PUM3: variants seen among roughly 807,000 people sequenced by gnomAD.
PUM3 encodes the protein pumilio homolog 3.
Under a neutral mutation model 84.0 loss-of-function variants are expected in PUM3, and 91 were observed. The ratio of observed to expected loss-of-function variants is 1.08; its 90% confidence interval spans 0.91 to 1.29. PUM3 has a LOEUF of 1.29. PUM3 is among the 50% of genes most tolerant of loss of function. The probability of loss-of-function intolerance (pLI) is 0.00; values close to 1 mark genes in which losing one functional copy is unlikely to be tolerated. For missense variants in PUM3, 1,067 were observed against 767.5 expected, an observed-to-expected ratio of 1.39 and a Z score of -4.61; for synonymous variants, 321 against 266.7, an observed-to-expected ratio of 1.20 and a Z score of -1.98.
chr9:2,833,977 T>C (rs1419555013), intron 4 of PUM3, 54 bp downstream of exon 4: 1 of 1,575,176 alleles, frequency 6.3e-7, no homozygotes, highest in Admixed American at 1.8e-5. Context: ...CAAGGTACAC[T>C]GACTTCTCCA....
intron 17 of PUM3, among the ~76,000 whole-genome samples, chr9:2,805,898 C>T (rs1299859274): frequency 6.6e-6 from 1 of 152,044 alleles, no homozygotes; most frequent in Non-Finnish European, 1.5e-5. Flanking sequence ...CCAATGCTCC[C>T]AAATGTTAGA....
At chr9:2,809,998 AC>A (rs1348124356) in intron 16 of PUM3, among the ~76,000 whole-genome samples, 1 of 146,340 alleles carries the variant, frequency 6.8e-6, no homozygotes, top group Non-Finnish European at 1.5e-5. Flanking sequence ...GGGGCCCCCT[AC>A]CCCCTCTCAC....
chr9:2,812,188 TA>T, intron 14 of PUM3, 31 bp downstream of exon 14: 1 of 1,596,172 alleles, frequency 6.3e-7, no homozygotes, highest in Non-Finnish European at 8.6e-7. Context: ...AACAGAGGAA[TA>T]AAGAAGTCAA....
At chr9:2,843,647 T>A (rs10812784) in intron 1 of PUM3, among the ~76,000 whole-genome samples, 1 of 147,088 alleles carries the variant, frequency 6.8e-6, no homozygotes, top group East Asian at 2.0e-4. Context: ...GGCACGATCT[T>A]GGCTCACTGC....
chr9:2,823,132 T>C (rs919385508), intron 12 of PUM3, among the ~76,000 whole-genome samples: 1 of 152,036 alleles, frequency 6.6e-6, no homozygotes, highest in African/African-American at 2.4e-5. Context: ...ACTACATATA[T>C]TCTAGTTACA....
chr9:2,839,637 T>C (rs963297158), intron 1 of PUM3, among the ~76,000 whole-genome samples: 1 of 152,192 alleles, frequency 6.6e-6, no homozygotes, highest in African/African-American at 2.4e-5. Flanking sequence ...AAAGTGCTGT[T>C]CTAATCTAGA....
Position 2,827,162 on chromosome 9 carries a change from A to G in PUM3, c.957-11T>C. 2 of 1,578,656 alleles carry G rather than the reference A, an allele frequency of 1.3e-6. No homozygotes were observed. The highest frequency in any genetic ancestry group is 1.2e-5 in the South Asian group (1 of 85,446). Reference sequence around the variant, plus strand: ...TTAATCACAGCTTCCCTGAAAACAGAAAAAAAAAGCAAAAAGACACAACAG... The same window carrying G: ...TTAATCACAGCTTCCCTGAAAACAGGAAAAAAAAGCAAAAAGACACAACAG... On this transcript the variant is annotated splice_polypyrimidine_tract_variant and intron_variant, in intron 9 of 17. Transcript: ENST00000397885.
chr9:2,841,493 A>G (rs10733433), intron 1 of PUM3, among the ~76,000 whole-genome samples: 76,275 of 151,958 alleles, frequency 0.5, 19,609 homozygotes, highest in South Asian at 0.61. Flanking sequence ...ACCTGAACCC[A>G]GGAGGCAGAG....
At chr9:2,842,383 G>A (rs12345409) in intron 1 of PUM3, among the ~76,000 whole-genome samples, 1 of 152,096 alleles carries the variant, frequency 6.6e-6, no homozygotes, top group South Asian at 2.1e-4. Context: ...ACTGCCTTCA[G>A]GAAAAAGTTC....
intron 13 of PUM3, among the ~76,000 whole-genome samples, chr9:2,817,985 G>C (rs1821505944): frequency 6.6e-6 from 1 of 152,202 alleles, no homozygotes; most frequent in African/African-American, 2.4e-5. Context: ...ATTTAGGAAA[G>C]TAGTAAGAAA....
At chr9:2,827,549 T>C (rs1025416965) in intron 9 of PUM3, among the ~76,000 whole-genome samples, 1 of 152,214 alleles carries the variant, frequency 6.6e-6, no homozygotes, top group Admixed American at 6.5e-5. Flanking sequence ...TCACAATCCA[T>C]CTGTTTCACA....
chr9:2,824,986 A>G lies in PUM3; in HGVS notation c.1036-171T>C, dbSNP rs1815772754. Among the ~76,000 whole-genome samples, 5 of 152,260 alleles carry G rather than the reference A, an allele frequency of 3.3e-5. No individual in the cohort carries two copies. The South Asian group carries it at 1.0e-3, about 31-fold the overall frequency. On this transcript the variant is annotated intron_variant, in intron 10 of 17. Coordinates refer to ENST00000397885, the MANE Select transcript of PUM3 (RefSeq NM_014878.5). ...TCAAACAGAAACACGAGCTCTTTCT[A>G]GAAATGTTCTTTTCCATCAAGAGCA...
intron 10 of PUM3, among the ~76,000 whole-genome samples, chr9:2,825,566 T>TTGA (rs1815793947): frequency 2.0e-5 from 3 of 151,980 alleles, no homozygotes; most frequent in Non-Finnish European, 4.4e-5. Flanking sequence ...TACTGCAACC[T>TTGA]CCACCTCCCA....
rs117721229 is a variant in PUM3, at chr9:2,830,253, T to C, written c.678-305A>G. ...GGGACTTAATCACAAGTATTTTAAC[T>C]ATATCCTAAAAGAATTAAACAGCTG... is the stretch of plus-strand genomic sequence containing the variant. On this transcript the variant is annotated intron_variant, in intron 7 of 17. Transcript: ENST00000397885. 4.2e-3 allele frequency among the ~76,000 whole-genome samples: 636 copies of C among 152,368 alleles called. 14 individuals are homozygous for C. The East Asian group carries it at 0.089, about 21-fold the overall frequency.
intron 9 of PUM3, among the ~76,000 whole-genome samples, chr9:2,827,890 G>T (rs1815865955): frequency 6.6e-6 from 1 of 152,198 alleles, no homozygotes; most frequent in African/African-American, 2.4e-5. Context: ...AGTTGCCAAA[G>T]ATTGCAGTTA....
At chr9:2,843,305 G>T (rs562002647) in intron 1 of PUM3, among the ~76,000 whole-genome samples, 2 of 152,014 alleles carry the variant, frequency 1.3e-5, no homozygotes, top group Non-Finnish European at 2.9e-5. Flanking sequence ...GCCTCTGCTT[G>T]AAGTACTCCC....
chr9:2,822,607 C>G (rs887848594), intron 12 of PUM3, among the ~76,000 whole-genome samples: 1 of 151,086 alleles, frequency 6.6e-6, no homozygotes, highest in Admixed American at 6.6e-5. Context: ...TGTGAATTTT[C>G]TATTAACATT....
Position 2,810,251 on chromosome 9 carries a change from T to A in PUM3, c.1723+93A>T, listed in dbSNP as rs1821337915. 3 of 807,158 alleles carry A rather than the reference T, an allele frequency of 3.7e-6. No homozygotes were observed. The African/African-American group carries it at 5.2e-5, about 14-fold the overall frequency. The allele number at this position is 807,158 out of a possible 1,614,324, so 50.0% of individuals were successfully genotyped here. A position where few individuals can be genotyped will look rare whatever the true frequency, so the allele number is the denominator to read the frequency against. On this transcript the variant is annotated intron_variant, in intron 16 of 17. Coordinates refer to ENST00000397885, the MANE Select transcript of PUM3 (RefSeq NM_014878.5). ...TTTCTAGACACTTGGCAAACTTCAT[T>A]TGAGCTTAAATGGCTGGTATAAAGT...
intron 1 of PUM3, among the ~76,000 whole-genome samples, chr9:2,838,830 G>C (rs1261984151): frequency 6.6e-6 from 1 of 152,126 alleles, no homozygotes; most frequent in Non-Finnish European, 1.5e-5. Context: ...TTGACACTAA[G>C]TATAATAAGC....
Sources: gnomAD v4.1 joint callset for allele counts (sites outside exome capture counted in the v4.1 genomes callset) on GRCh38, gnomAD v4.1.1 for gene constraint, MANE v1.5 for transcripts, NCBI Gene and HGNC (gene_info 2026-07-23, HGNC 2026-07-21) for gene names.